The following BANF2 variants were observed in gnomAD, a reference collection of about 807,000 sequenced individuals.
BANF2 encodes the protein BANF family member 2.
Under a neutral mutation model 8.0 loss-of-function variants are expected in BANF2, and 4 were observed. The ratio of observed to expected loss-of-function variants is 0.50; its 90% CI spans 0.25 to 1.14. BANF2 has a LOEUF of 1.14. Among genes scored for constraint, BANF2 ranks in the 50% most tolerant of loss-of-function variants. BANF2 has a pLI of 0.16. For synonymous variants in BANF2, 50 were observed against 40.6 expected (o/e 1.23, Z -0.88); for missense variants, 96 against 107.5 (o/e 0.89, Z 0.47).
At chr20:17,735,182 G>A (rs902588427) in intron 3 of BANF2, among the ~76,000 whole-genome samples, 1 of 152,204 alleles carries the variant, frequency 6.6e-6, no homozygotes, top group Admixed American at 6.5e-5. Context: ...GGGCGGGAAT[G>A]TCTCTTACTC....
chr20:17,725,863 A>C (rs916635616), intron 3 of BANF2, among the ~76,000 whole-genome samples: 48 of 152,306 alleles, frequency 3.2e-4, no homozygotes, highest in Middle Eastern at 3.4e-3. Flanking sequence ...GCCCCAAGTC[A>C]GTCTACCAGG....
upstream of BANF2, among the ~76,000 whole-genome samples, chr20:17,699,520 G>C (rs1178522257): frequency 1.3e-5 from 2 of 152,194 alleles, no homozygotes; most frequent in Admixed American, 6.5e-5. Context: ...TAGGGGGAAA[G>C]TCACGGGTAT....
chr20:17,726,927 GAC>G, intron 3 of BANF2, among the ~76,000 whole-genome samples: 1 of 152,328 alleles, frequency 6.6e-6, no homozygotes, highest in East Asian at 1.9e-4. Flanking sequence ...CCATAGTCAA[GAC>G]ACAGAGCAAT....
At chr20:17,722,608 A>T in intron 1 of BANF2, 108 bp from the exon 2 acceptor site, 1 of 424,500 alleles carries the variant, frequency 2.4e-6, no homozygotes, top group Non-Finnish European at 3.1e-6. Flanking sequence ...ATTCCTATTT[A>T]GCTGCTAAAG....
At chr20:17,702,215 G>A (rs6075237) in intron 1 of BANF2, among the ~76,000 whole-genome samples, 28,119 of 152,128 alleles carry the variant, frequency 0.18, 3,096 homozygotes, top group African/African-American at 0.3. Flanking sequence ...TTTCCCTAAG[G>A]CAAACTGCCA....
intron 1 of BANF2, among the ~76,000 whole-genome samples, chr20:17,713,547 T>C (rs1425214342): frequency 3.3e-5 from 5 of 152,084 alleles, no homozygotes; most frequent in Admixed American, 2.6e-4. Flanking sequence ...ATGACTAAGA[T>C]AGTCCAGGCG....
At chr20:17,711,135 A>C (rs961421634) in intron 1 of BANF2, among the ~76,000 whole-genome samples, 1 of 152,216 alleles carries the variant, frequency 6.6e-6, no homozygotes, top group African/African-American at 2.4e-5. Context: ...AAATCTGGCA[A>C]CCCTACTCTG....
At chr20:17,698,819 G>C (rs551508996), upstream of BANF2, among the ~76,000 whole-genome samples, 1 of 152,322 alleles carries the variant, frequency 6.6e-6, no homozygotes, top group Admixed American at 6.5e-5. Context: ...AGTAAAGCGT[G>C]CTGGTTGAAC....
At chr20:17,698,556 G>A (rs1211366317), upstream of BANF2, among the ~76,000 whole-genome samples, 1 of 152,230 alleles carries the variant, frequency 6.6e-6, no homozygotes, top group African/African-American at 2.4e-5. Flanking sequence ...AGGGAGCTGG[G>A]TTATTTATCT....
upstream of BANF2, chr20:17,699,823 G>A (rs958189964): frequency 5.6e-6 from 1 of 177,294 alleles, no homozygotes; most frequent in Non-Finnish European, 1.1e-5. Flanking sequence ...CTTCTGGAGA[G>A]GCCTGAGGCT....
intron 3 of BANF2, among the ~76,000 whole-genome samples, chr20:17,728,297 T>G (rs1401853469): frequency 2.0e-5 from 3 of 152,186 alleles, no homozygotes; most frequent in Admixed American, 6.5e-5. Context: ...ACCCTCTCTG[T>G]GCACCTGCTG....
At chr20:17,735,575 G>A (rs1297701948) in intron 3 of BANF2, 90 bp from the exon 4 acceptor site, 44 of 1,438,262 alleles carry the variant, frequency 3.1e-5, no homozygotes, top group African/African-American at 2.0e-4. Flanking sequence ...TGATTGTCAC[G>A]TGAGCCCTGG....
At chr20:17,713,350 C>T (rs1192294490) in intron 1 of BANF2, among the ~76,000 whole-genome samples, 4 of 152,040 alleles carry the variant, frequency 2.6e-5, no homozygotes, top group Non-Finnish European at 1.5e-5. Flanking sequence ...AAAAGACAAC[C>T]CCTGTGTGAT....
At chr20:17,697,820 C>A (rs147744519), upstream of BANF2, among the ~76,000 whole-genome samples, 2 of 151,846 alleles carry the variant, frequency 1.3e-5, no homozygotes, top group Non-Finnish European at 2.9e-5. Context: ...GCCTGGTGGG[C>A]GGTGTTTGTG....
intron 3 of BANF2, among the ~76,000 whole-genome samples, chr20:17,732,714 C>T (rs6044978): frequency 0.18 from 27,743 of 152,132 alleles, 2,945 homozygotes; most frequent in East Asian, 0.44. Flanking sequence ...GCCATGGCCA[C>T]GGCCACTGTC....
intron 1 of BANF2, among the ~76,000 whole-genome samples, chr20:17,705,937 G>T (rs2037475899): frequency 6.6e-6 from 1 of 152,184 alleles, no homozygotes; most frequent in Admixed American, 6.5e-5. Flanking sequence ...GGGCTTCTAT[G>T]GCACTGCTCC....
intron 1 of BANF2, among the ~76,000 whole-genome samples, chr20:17,715,484 C>T (rs1885828744): frequency 1.3e-5 from 2 of 152,222 alleles, no homozygotes; most frequent in South Asian, 2.1e-4. Flanking sequence ...ATGTGTAAGA[C>T]AGCCAACAAG....
intron 3 of BANF2, among the ~76,000 whole-genome samples, chr20:17,727,501 C>T (rs1213710284): frequency 6.6e-6 from 1 of 152,118 alleles, no homozygotes; most frequent in Non-Finnish European, 1.5e-5. Context: ...AGGGAGGAGG[C>T]TTAGACTAAA....
At chr20:17,694,411 G>C (rs879754692) in intron 1 of BANF2, among the ~76,000 whole-genome samples, 2 of 152,136 alleles carry the variant, frequency 1.3e-5, no homozygotes, top group Non-Finnish European at 2.9e-5. Flanking sequence ...CAAAGGCCCT[G>C]AGGCAGGAGG....
Sources: allele counts gnomAD v4.1 joint callset (sites outside exome capture counted in the v4.1 genomes callset), GRCh38; gene constraint gnomAD v4.1.1; transcripts MANE v1.5; gene names NCBI Gene and HGNC (gene_info 2026-07-23, HGNC 2026-07-21).